Variants in ZNF486 observed in about 807,000 individuals in gnomAD.
ZNF486 encodes the protein KRAB box only protein 2.
A neutral mutation model predicts 12.8 loss-of-function variants in ZNF486; 12 were observed. That is an observed-to-expected ratio of 0.94 (90% CI 0.60 to 1.52). The LOEUF (loss-of-function observed/expected upper bound fraction) is 1.52, where lower values mean the gene tolerates loss of function less well. ZNF486 is among the 40% of genes most tolerant of loss of function. The probability of loss-of-function intolerance (pLI) is 0.00; values close to 1 mark genes in which losing one functional copy is unlikely to be tolerated. For synonymous variants in ZNF486, 231 were observed against 184.9 expected, an observed-to-expected ratio of 1.25 and a Z score of -2.02; for missense variants, 738 against 545.0, an observed-to-expected ratio of 1.35 and a Z score of -3.53.
chr19:20,185,094 A>G (rs2089828144), intron 2 of ZNF486, among the ~76,000 whole-genome samples: 1 of 152,196 alleles, frequency 6.6e-6, no homozygotes, highest in Non-Finnish European at 1.5e-5. Context: ...CTGGGCAAGA[A>G]GAGCAAATAC....
chr19:20,194,830 G>A (rs1343417616), intron 3 of ZNF486, among the ~76,000 whole-genome samples: 1 of 151,936 alleles, frequency 6.6e-6, no homozygotes, highest in Non-Finnish European at 1.5e-5. Flanking sequence ...TGTGATTTTT[G>A]AAATTTTGCT....
chr19:20,171,256 C>A (rs905159751), intron 1 of ZNF486, among the ~76,000 whole-genome samples: 1 of 152,204 alleles, frequency 6.6e-6, no homozygotes, highest in African/African-American at 2.4e-5. Flanking sequence ...TGCCCATTGT[C>A]CTGTGATTCC....
rs782348624 is a variant in ZNF486 at position 20,167,214 on chromosome 19, G to A, written c.-117G>A. On this transcript the variant is annotated 5_prime_UTR_variant, in exon 1 of 4. Coordinates refer to ENST00000335117, the MANE Select transcript of ZNF486 (RefSeq NM_052852.4). ...GGCTTCCGGGTTTGGCGCGGCCTTT[G>A]TCTCTCGCTGCATCTGGAGCTCTAG... 3.8e-6 allele frequency: 5 copies of A among 1,328,022 alleles called. No individual in the cohort carries two copies. The highest frequency in any genetic ancestry group is 1.8e-4 in the Middle Eastern group (1 of 5,500). The allele number at this position is 1,328,022 out of a possible 1,614,324, so 82.3% of individuals were successfully genotyped here. A position where few individuals can be genotyped will look rare whatever the true frequency, so the allele number is the denominator to read the frequency against.
At chr19:20,176,589 G>C (rs369976648) in intron 1 of ZNF486, 1 of 169,880 alleles carries the variant, frequency 5.9e-6, no homozygotes, top group African/African-American at 2.4e-5. Context: ...TCAGGAGGCC[G>C]AGGCTGGCGG....
At chr19:20,181,291 G>T (rs973774234) in intron 1 of ZNF486, among the ~76,000 whole-genome samples, 3 of 152,008 alleles carry the variant, frequency 2.0e-5, no homozygotes, top group Admixed American at 1.3e-4. Flanking sequence ...TGTAATCCCA[G>T]CACTTTGGGA....
At position 20,199,764 on chromosome 19, in the gene ZNF486, T is replaced by C. The variant is rs782193392; in HGVS notation, c.*1662T>C. 1 of 151,734 alleles carries C rather than the reference T, an allele frequency of 6.6e-6. No individual in the cohort carries two copies. The allele number at this position is 151,734 out of a possible 1,614,324, so 9.4% of individuals were successfully genotyped here. ...CTTTAAAAGCAGATTTTTGGAAGCA[T>C]TGTAATTACATTAAAAGTATACTTG... On this transcript the variant is annotated 3_prime_UTR_variant, in exon 4 of 4. Transcript: ENST00000335117.
chr19:20,184,399 A>G lies in ZNF486; in HGVS notation c.74A>G (p.Glu25Gly). The G allele has an allele frequency of 6.2e-7, 1 of 1,613,560 alleles. No homozygotes were observed. The highest frequency in any genetic ancestry group is 8.5e-7 in the Non-Finnish European group (1 of 1,179,720). ...FRDVAVEFSL[E>G]EWHCLDTAQQ... The stretch of plus-strand genomic sequence containing the variant: ...GATGTGGCTGTAGAATTCTCTCTGG[A>G]GGAGTGGCATTGCCTGGACACTGCA... Residue 25 changes from glutamate to glycine, a missense_variant, in exon 2 of 4, where the codon GAG (glutamate) becomes GGG (glycine). Physicochemically the swap from Glu to Gly is moderately conservative, Grantham distance 98 (BLOSUM62 -2). Transcript: ENST00000335117.
At chr19:20,167,494 A>T in intron 1 of ZNF486, 134 bp downstream of exon 1, 1 of 1,003,940 alleles carries the variant, frequency 1.0e-6, no homozygotes, top group Non-Finnish European at 1.5e-6. Context: ...GCTCGGCCTC[A>T]GTCCCCTTCA....
intron 1 of ZNF486, 107 bp downstream of exon 1, chr19:20,167,467 G>C (rs1356079995): frequency 7.5e-7 from 1 of 1,337,984 alleles, no homozygotes; most frequent in East Asian, 2.3e-5. Flanking sequence ...ATCTGCGTCC[G>C]GACTTCTCCT....
intron 1 of ZNF486, among the ~76,000 whole-genome samples, chr19:20,173,455 T>C (rs1555714220): frequency 1.3e-5 from 2 of 152,170 alleles, no homozygotes; most frequent in South Asian, 2.1e-4. Flanking sequence ...TTCTCTCTTC[T>C]GGTTTTAACC....
chr19:20,191,557 C>T (rs908283523), intron 3 of ZNF486, among the ~76,000 whole-genome samples: 3 of 151,384 alleles, frequency 2.0e-5, no homozygotes, highest in Non-Finnish European at 2.9e-5. Context: ...ATCACGAGGT[C>T]AGGAGATCGA....
At chr19:20,189,277 G>A (rs2089879814) in intron 3 of ZNF486, among the ~76,000 whole-genome samples, 1 of 151,976 alleles carries the variant, frequency 6.6e-6, no homozygotes, top group Non-Finnish European at 1.5e-5. Context: ...TATTATGTTG[G>A]CCAGGCTGGT....
intron 1 of ZNF486, among the ~76,000 whole-genome samples, chr19:20,174,513 C>G (rs556283406): frequency 6.6e-6 from 1 of 151,884 alleles, no homozygotes; most frequent in African/African-American, 2.4e-5. Flanking sequence ...CTCAGCCTTC[C>G]GAGTAGCTGG....
rs538337705 is a variant in ZNF486 at position 20,176,213 on chromosome 19, A to G, written c.31-8143A>G. On this transcript the variant is annotated intron_variant, in intron 1 of 3. Coordinates refer to ENST00000335117, the MANE Select transcript of ZNF486 (RefSeq NM_052852.4). ...GGGCAGCGGGGCAGAGGCGCTCCCCACATCTCATACGATGGGCGGCCGGGC... is the reference window on the plus strand; with the variant it reads ...GGGCAGCGGGGCAGAGGCGCTCCCCGCATCTCATACGATGGGCGGCCGGGC... 38 of 185,564 alleles carry G rather than the reference A, an allele frequency of 2.0e-4. No homozygotes were observed. The East Asian group carries it at 6.1e-3, about 30-fold the overall frequency. 11.5% of individuals were successfully genotyped at this position (185,564 alleles called of 1,614,324 possible). A position where few individuals can be genotyped will look rare whatever the true frequency, so the allele number is the denominator to read the frequency against.
rs1287381483 is a variant in ZNF486 at position 20,197,009 on chromosome 19, T to C, written c.299T>C (p.Ile100Thr). The C allele has an allele frequency of 1.0e-5, 16 of 1,601,606 alleles. No homozygotes were observed. The highest frequency in any genetic ancestry group is 1.3e-5 in the Non-Finnish European group (15 of 1,175,804). ...FAQDLWPEQS[I>T]KDSYQKVILR... ...CAAGACCTTTGGCCAGAGCAGAGCA[T>C]AAAAGATTCTTACCAAAAAGTGATA... The change falls in exon 4 of 4, where the codon ATA (isoleucine) becomes ACA (threonine). Residue 100 changes from isoleucine (I) to threonine (T), a missense_variant. By Grantham distance (89) the Ile-to-Thr change is moderately conservative. Transcript: ENST00000335117.
rs782551709 is a variant in ZNF486 at position 20,198,093 on chromosome 19, A to G, written c.1383A>G (p.Pro461=). 22 of 1,580,754 alleles carry G rather than the reference A, an allele frequency of 1.4e-5. No homozygotes were observed. The highest frequency in any genetic ancestry group is 1.7e-5 in the Non-Finnish European group (20 of 1,164,494). Residue 461 remains proline, a synonymous_variant, in exon 4 of 4, where the codon CCA becomes CCG. Coordinates refer to ENST00000335117, the MANE Select transcript of ZNF486 (RefSeq NM_052852.4). ...KHKRIHIGQK[P]RT Reference sequence around the variant, plus strand: ...AGAGAATTCATATTGGACAGAAACCAAGAACGTGACAAAGGATTATTTTAT... The same window carrying G: ...AGAGAATTCATATTGGACAGAAACCGAGAACGTGACAAAGGATTATTTTAT...
chr19:20,180,615 C>G (rs1555715410), intron 1 of ZNF486, among the ~76,000 whole-genome samples: 1 of 152,022 alleles, frequency 6.6e-6, no homozygotes, highest in Non-Finnish European at 1.5e-5. Context: ...ACTGTGTTAC[C>G]CAGGCATGAG....
At chr19:20,187,668 A>C (rs1555716713) in intron 3 of ZNF486, among the ~76,000 whole-genome samples, 1 of 151,878 alleles carries the variant, frequency 6.6e-6, no homozygotes, top group African/African-American at 2.4e-5. Flanking sequence ...CACCCGGCTA[A>C]TTTTTTAAAA....
chr19:20,194,480 A>C (rs1303292927), intron 3 of ZNF486, among the ~76,000 whole-genome samples: 2 of 152,202 alleles, frequency 1.3e-5, no homozygotes, highest in East Asian at 1.9e-4. Context: ...TAATCCCAGC[A>C]CTTTGGGAGA....
Sources: allele counts gnomAD v4.1 joint callset (sites outside exome capture counted in the v4.1 genomes callset), GRCh38; gene constraint gnomAD v4.1.1; transcripts MANE v1.5; gene names NCBI Gene and HGNC (gene_info 2026-07-23, HGNC 2026-07-21).